FARS2: variants seen among roughly 807,000 people sequenced by gnomAD.
The protein encoded by FARS2 is phenylalanyl-tRNA synthetase 2, mitochondrial, also known as phenylalanine--tRNA ligase, mitochondrial.
Under a neutral mutation model 46.4 loss-of-function variants are expected in FARS2, and 40 were observed. That is an observed-to-expected ratio of 0.86 (90% confidence interval 0.67 to 1.12). The LOEUF (loss-of-function observed/expected upper bound fraction) is 1.12. FARS2 is among the 50% of genes most tolerant of loss of function. The pLI, the probability that FARS2 is intolerant of heterozygous loss-of-function variation, is 0.00. For missense variants in FARS2, 513 were observed against 567.9 expected (o/e 0.90, Z 0.98); for synonymous variants, 234 against 214.9 (o/e 1.09, Z -0.78).
At chr6:5,529,212 C>T (rs1157535214) in intron 4 of FARS2, among the ~76,000 whole-genome samples, 1 of 152,116 alleles carries the variant, frequency 6.6e-6, no homozygotes, top group Admixed American at 6.5e-5. Context: ...TTTTCTGACT[C>T]GTGATGAGCA....
At chr6:5,321,019 A>C (rs1278871217) in intron 1 of FARS2, among the ~76,000 whole-genome samples, 1 of 152,216 alleles carries the variant, frequency 6.6e-6, no homozygotes, top group African/African-American at 2.4e-5. Context: ...GTTACATAAG[A>C]TTCATCTCTC....
chr6:5,624,526 C>A (rs981659101), intron 6 of FARS2, among the ~76,000 whole-genome samples: 1 of 152,222 alleles, frequency 6.6e-6, no homozygotes, highest in African/African-American at 2.4e-5. Flanking sequence ...GGAGCTGTAT[C>A]TTCAATGTTC....
intron 6 of FARS2, among the ~76,000 whole-genome samples, chr6:5,710,578 G>C (rs778274854): frequency 2.6e-5 from 4 of 152,180 alleles, no homozygotes; most frequent in Non-Finnish European, 5.9e-5. Context: ...GGCTTCCTAG[G>C]CCACAGCACG....
At chr6:5,681,267 G>A (rs1779019326) in intron 6 of FARS2, among the ~76,000 whole-genome samples, 1 of 152,128 alleles carries the variant, frequency 6.6e-6, no homozygotes, top group Admixed American at 6.5e-5. Flanking sequence ...GAACTATTTT[G>A]CAGGTATTTA....
chr6:5,362,130 A>G (rs1339610631), intron 1 of FARS2, among the ~76,000 whole-genome samples: 2 of 152,204 alleles, frequency 1.3e-5, no homozygotes, highest in Non-Finnish European at 2.9e-5. Context: ...CTTGTAGAGA[A>G]GTGGACTTGA....
In FARS2 at chr6:5,644,635, C is replaced by T. The variant is rs533086606; in HGVS notation, c.1217+31315C>T. Among the ~76,000 whole-genome samples the T allele has an allele frequency of 2.6e-5, 4 of 152,364 alleles. No individual in the cohort carries two copies. In the East Asian group the frequency reaches 5.8e-4, roughly 22 times the overall value. On this transcript the variant is annotated intron_variant, in intron 6 of 6. Coordinates refer to ENST00000274680, the MANE Select transcript of FARS2 (RefSeq NM_006567.5). ...CTTGGCCACCCAAAGTGCTGGATTA[C>T]AGGCGTGAGTCACCTCGAAAACATT...
At chr6:5,350,204 C>A (rs1324113417) in intron 1 of FARS2, among the ~76,000 whole-genome samples, 5 of 143,252 alleles carry the variant, frequency 3.5e-5, no homozygotes, top group Non-Finnish European at 7.5e-5. Flanking sequence ...GTTGGGGTCT[C>A]ACTATGTTGC....
chr6:5,548,413 G>A (rs1306100790), intron 5 of FARS2, among the ~76,000 whole-genome samples: 2 of 152,284 alleles, frequency 1.3e-5, no homozygotes, highest in Middle Eastern at 3.4e-3. Context: ...TTTACCTTAT[G>A]AGGACTTTTA....
intron 6 of FARS2, among the ~76,000 whole-genome samples, chr6:5,619,281 A>G (rs552207023): frequency 2.0e-5 from 3 of 152,228 alleles, no homozygotes; most frequent in East Asian, 3.9e-4. Context: ...TTTTACTACC[A>G]TCCCTTTCCT....
intron 3 of FARS2, among the ~76,000 whole-genome samples, chr6:5,414,819 T>G (rs1199315263): frequency 3.6e-5 from 5 of 137,054 alleles, no homozygotes; most frequent in Admixed American, 7.4e-5. Flanking sequence ...CTGTTTTTTT[T>G]TTTTTTTTTT....
intron 1 of FARS2, among the ~76,000 whole-genome samples, chr6:5,300,654 T>C (rs181150782): frequency 6.6e-6 from 1 of 151,960 alleles, no homozygotes; most frequent in Non-Finnish European, 1.5e-5. Context: ...GGGCATCTGG[T>C]CATTTCCTTT....
At chr6:5,319,159 T>C (rs1213484907) in intron 1 of FARS2, among the ~76,000 whole-genome samples, 2 of 152,026 alleles carry the variant, frequency 1.3e-5, no homozygotes, top group African/African-American at 4.8e-5. Flanking sequence ...AGTCAGGAAG[T>C]TGTTATACTG....
At chr6:5,555,826 A>G (rs1162850764) in intron 5 of FARS2, among the ~76,000 whole-genome samples, 1 of 152,156 alleles carries the variant, frequency 6.6e-6, no homozygotes, top group African/African-American at 2.4e-5. Context: ...AATGTGAAAG[A>G]TGACCAATCA....
intron 4 of FARS2, among the ~76,000 whole-genome samples, chr6:5,499,608 A>T (rs1376095952): frequency 6.6e-6 from 1 of 152,184 alleles, no homozygotes; most frequent in Non-Finnish European, 1.5e-5. Context: ...AATTCTATGC[A>T]TTTAGAAAAT....
intron 1 of FARS2, among the ~76,000 whole-genome samples, chr6:5,314,795 T>C (rs1769332687): frequency 6.6e-6 from 1 of 152,172 alleles, no homozygotes; most frequent in African/African-American, 2.4e-5. Flanking sequence ...GAATGAGAGA[T>C]AGTTGGGGAA....
chr6:5,594,258 GC>G (rs1405687091), intron 5 of FARS2, among the ~76,000 whole-genome samples: 1 of 152,182 alleles, frequency 6.6e-6, no homozygotes, highest in African/African-American at 2.4e-5. Context: ...GAGGATTCGT[GC>G]CTGAAGCACC....
intron 6 of FARS2, among the ~76,000 whole-genome samples, chr6:5,668,549 C>T (rs1020843434): frequency 6.6e-6 from 1 of 152,078 alleles, no homozygotes; most frequent in Non-Finnish European, 1.5e-5. Context: ...TTAATTCAGG[C>T]GAAACATTTG....
chr6:5,355,599 C>T (rs1039858432), intron 1 of FARS2, among the ~76,000 whole-genome samples: 3 of 151,824 alleles, frequency 2.0e-5, no homozygotes, highest in Non-Finnish European at 4.4e-5. Flanking sequence ...CCTTGTGATC[C>T]GTACGCCTCG....
rs775974180 is a variant in FARS2, at chr6:5,709,951, G to A, written c.1218-61340G>A. Among the ~76,000 whole-genome samples, 8 of 152,198 alleles carry A rather than the reference G, an allele frequency of 5.3e-5. No homozygotes were observed. In the East Asian group the frequency reaches 7.7e-4, roughly 15 times the overall value. On this transcript the variant is annotated intron_variant, in intron 6 of 6. Coordinates refer to ENST00000274680, the MANE Select transcript of FARS2 (RefSeq NM_006567.5). The stretch of plus-strand genomic sequence containing the variant: ...AGGGGGATCTCCTGTGAAACTAATC[G>A]TTCTCCTGGGCTCTTGAGGCTACTT...
Sources: allele counts gnomAD v4.1 joint callset (sites outside exome capture counted in the v4.1 genomes callset), GRCh38; gene constraint gnomAD v4.1.1; transcripts MANE v1.5; gene names NCBI Gene and HGNC (gene_info 2026-07-23, HGNC 2026-07-21).